BSN: variants seen among roughly 807,000 people sequenced by gnomAD.
The protein encoded by BSN is bassoon presynaptic cytomatrix protein.
In BSN, 57 loss-of-function variants were observed where a neutral mutation model predicts 264.8. The ratio of observed to expected loss-of-function variants is 0.22; its 90% CI spans 0.17 to 0.27. The LOEUF (loss-of-function observed/expected upper bound fraction) is 0.27, where lower values mean the gene tolerates loss of function less well. Ranked by LOEUF, BSN falls within the 10% of genes least tolerant of loss-of-function variation. The probability of loss-of-function intolerance (pLI) is 1.00; values close to 1 mark genes in which losing one functional copy is unlikely to be tolerated. For synonymous variants in BSN, 2,059 were observed against 2,137.3 expected (o/e 0.96, Z 1.01); for missense variants, 4,615 against 5,232.5 (o/e 0.88, Z 3.64).
Position 49,669,931 on chromosome 3 carries a change from AG to A in BSN, c.*2448del, listed in dbSNP as rs1386771373. The A allele has an allele frequency of 2.0e-5, 3 of 152,642 alleles. No individual in the cohort carries two copies. Among genetic ancestry groups the A allele is most frequent in the Non-Finnish European group, 4.4e-5 (3 of 68,064 alleles). The allele number at this position is 152,642 out of a possible 1,614,324, so 9.5% of individuals were successfully genotyped here. ...CAGGCAGTACCTGCCTGACCCTTCA[AG>A]GCCTGACCTTCGTCCAGAGTGCTCT... On this transcript the variant is annotated 3_prime_UTR_variant, in exon 12 of 12. Transcript: ENST00000296452.
At chr3:49,569,856 G>A (rs1367501463) in intron 1 of BSN, among the ~76,000 whole-genome samples, 2 of 152,220 alleles carry the variant, frequency 1.3e-5, no homozygotes, top group Admixed American at 6.5e-5. Flanking sequence ...GCCAGGTGGA[G>A]GGTGTTGGCC....
rs1438289753 is a variant in BSN at position 49,655,428 on chromosome 3, C to G, written c.5872C>G (p.Gln1958Glu). 4 of 1,569,992 alleles carry G rather than the reference C, an allele frequency of 2.5e-6. No individual in the cohort carries two copies. Among genetic ancestry groups the G allele is most frequent in the Non-Finnish European group, 3.5e-6 (4 of 1,157,626 alleles). ...EPPEPPTYRA[Q>E]GVVGPGPHEE... Reference sequence around the variant, plus strand: ...TCCTGAGCCCCCAACCTACCGGGCACAGGGGGTGGTGGGGCCTGGGCCCCA... The same window carrying G: ...TCCTGAGCCCCCAACCTACCGGGCAGAGGGGGTGGTGGGGCCTGGGCCCCA... Residue 1958 changes from glutamine to glutamate, a missense_variant, in exon 5 of 12, where the codon CAG becomes GAG. Coordinates refer to ENST00000296452, the MANE Select transcript of BSN (RefSeq NM_003458.4).
At chr3:49,619,712 A>G (rs2052289293) in intron 1 of BSN, among the ~76,000 whole-genome samples, 1 of 152,200 alleles carries the variant, frequency 6.6e-6, no homozygotes, top group Admixed American at 6.5e-5. Context: ...GGTGTAGCCA[A>G]CTGCTATAGG....
At position 49,625,003 on chromosome 3, in the gene BSN, C is replaced by G; in HGVS notation, c.253C>G (p.Pro85Ala). ...STSRRLDPKE[P>A]LGNQRAASPT... ...TTCCCGGAGACTGGACCCCAAGGAA[C>G]CCCTGGGTAACCAGAGAGCAGCTTC... The change falls in exon 2 of 12, where the codon CCC (proline) becomes GCC (alanine). Residue 85 changes from proline (P) to alanine (A), a missense_variant. Physicochemically the swap from Pro to Ala is conservative, Grantham distance 27 (BLOSUM62 -1). Around this residue, in one of 3 missense-constraint regions of BSN, gnomAD observed 1,197 missense variants for 1,348.0 expected, o/e 0.89. Transcript: ENST00000296452. The surrounding 1 kb of genome is among the most constrained non-coding windows in gnomAD (Gnocchi z 4.4). The G allele has an allele frequency of 2.6e-6, 4 of 1,547,086 alleles. No individual in the cohort carries two copies. Among genetic ancestry groups the G allele is most frequent in the Middle Eastern group, 1.7e-4 (1 of 5,734 alleles).
intron 2 of BSN, among the ~76,000 whole-genome samples, chr3:49,634,204 C>G (rs1341734623): frequency 6.8e-6 from 1 of 146,982 alleles, no homozygotes; most frequent in Non-Finnish European, 1.5e-5. Context: ...AAGACTCTGC[C>G]TTTAAAAAAA....
chr3:49,672,867 C>T (rs1429134271), downstream of BSN, among the ~76,000 whole-genome samples: 8 of 149,304 alleles, frequency 5.4e-5, no homozygotes, highest in East Asian at 1.2e-3. Context: ...GCAAGCTCCG[C>T]CTCCCGGGTT....
intron 11 of BSN, among the ~76,000 whole-genome samples, chr3:49,665,749 C>G (rs746048380): frequency 6.6e-6 from 1 of 152,226 alleles, no homozygotes. Flanking sequence ...GGAATGAAGT[C>G]AAAACACTCC....
At position 49,639,546 on chromosome 3, in the gene BSN, G is replaced by T. The variant is rs528345312; in HGVS notation, c.634-2722G>T. Among the ~76,000 whole-genome samples, 5 of 152,332 alleles carry T rather than the reference G, an allele frequency of 3.3e-5. No homozygotes were observed. The South Asian group carries it at 1.0e-3, about 32-fold the overall frequency. ...TGGGTGGGTTAATTGTTCCCAGCTA[G>T]TGGGATGGCTTCTCACCTCACTGCC... is the stretch of plus-strand genomic sequence containing the variant. On this transcript the variant is annotated intron_variant, in intron 2 of 11. Coordinates refer to ENST00000296452, the MANE Select transcript of BSN (RefSeq NM_003458.4).
rs2052646996 is a variant in BSN, at chr3:49,660,741, G to A, written c.8896G>A (p.Asp2966Asn). The change falls in exon 6 of 12, where the codon GAT (aspartate) becomes AAT (asparagine). Residue 2966 changes from aspartate (D) to asparagine (N), a missense_variant. Asp to Asn is a conservative substitution (Grantham distance 23). This residue lies in a region of BSN where 3,415 missense variants were observed against 3,866.4 expected (regional missense o/e 0.88). Transcript: ENST00000296452. This position sits in a 1 kb window ranked among gnomAD's most constrained non-coding sequence, Gnocchi z 7.1. ...ACTGCGCAAGAAGCAGGCAGAGCTG[G>A]ATGAGGAGGAGAAGGAGATTGACGC... ...TKLRKKQAEL[D>N]EEEKEIDAKL... 7 of 1,613,104 alleles carry A rather than the reference G, an allele frequency of 4.3e-6. No individual in the cohort carries two copies. The highest frequency in any genetic ancestry group is 5.9e-6 in the Non-Finnish European group (7 of 1,179,946).
intron 2 of BSN, among the ~76,000 whole-genome samples, chr3:49,628,192 G>A (rs2052357156): frequency 6.6e-6 from 1 of 152,200 alleles, no homozygotes; most frequent in Non-Finnish European, 1.5e-5. Flanking sequence ...TTGTTCATGT[G>A]TGTCACTAAT....
chr3:49,589,028 C>A (rs1429000706), intron 1 of BSN, among the ~76,000 whole-genome samples: 1 of 151,596 alleles, frequency 6.6e-6, no homozygotes, highest in Non-Finnish European at 1.5e-5. Flanking sequence ...CATTCTCCTG[C>A]CTCAGCCTCC....
chr3:49,654,557 C>A lies in BSN; in HGVS notation c.5001C>A (p.Asp1667Glu), dbSNP rs1168951764. 1.9e-6 allele frequency: 3 copies of A among 1,610,444 alleles called. No individual in the cohort carries two copies. In the Admixed American group the frequency reaches 5.0e-5, roughly 27 times the overall value. ...GPRTPGTAVV[D>E]LRTAVKPTPI... is the part of the protein sequence containing the mutation. The stretch of plus-strand genomic sequence containing the variant: ...GGACCCCTGGCACTGCAGTGGTAGA[C>A]CTCCGTACAGCTGTCAAGCCCACTC... Residue 1667 changes from aspartate to glutamate, a missense_variant, in exon 5 of 12, where the codon GAC becomes GAA. Physicochemically the swap from Asp to Glu is conservative, Grantham distance 45. Around this residue, in one of 3 missense-constraint regions of BSN, gnomAD observed 3,415 missense variants for 3,866.4 expected, o/e 0.88. Coordinates refer to ENST00000296452, the MANE Select transcript of BSN (RefSeq NM_003458.4). This position sits in a 1 kb window ranked among gnomAD's most constrained non-coding sequence, Gnocchi z 4.1.
chr3:49,557,138 C>T (rs1451488801), intron 1 of BSN, among the ~76,000 whole-genome samples: 1 of 152,112 alleles, frequency 6.6e-6, no homozygotes, highest in African/African-American at 2.4e-5. Context: ...CCTCTTAGCC[C>T]GTCGGGATGA....
intron 1 of BSN, among the ~76,000 whole-genome samples, chr3:49,611,639 G>A (rs767465708): frequency 1.2e-4 from 18 of 152,208 alleles, no homozygotes; most frequent in Non-Finnish European, 2.2e-4. Flanking sequence ...TCAGAAAGCC[G>A]AGCCTAGTAG....
At chr3:49,563,449 TG>T (rs1366334092) in intron 1 of BSN, among the ~76,000 whole-genome samples, 1 of 152,030 alleles carries the variant, frequency 6.6e-6, no homozygotes, top group Non-Finnish European at 1.5e-5. Flanking sequence ...CCAGGGGAGC[TG>T]GGGTTGGCAA....
In BSN at chr3:49,655,556, G is replaced by T. The variant is rs1188114135; in HGVS notation, c.6000G>T (p.Arg2000Ser). The T allele has an allele frequency of 6.2e-7, 1 of 1,613,340 alleles. No individual in the cohort carries two copies. The highest frequency in any genetic ancestry group is 1.7e-5 in the Admixed American group (1 of 60,026). Residue 2000 changes from arginine (R) to serine (S), a missense_variant, in exon 5 of 12, where the codon AGG becomes AGT. Physicochemically the swap from Arg to Ser is moderately radical, Grantham distance 110 (BLOSUM62 -1). Around this residue, in one of 3 missense-constraint regions of BSN, gnomAD observed 3,415 missense variants for 3,866.4 expected, o/e 0.88. Transcript: ENST00000296452. The stretch of plus-strand genomic sequence containing the variant: ...CTGGCCTCAACTACCATGCCCAGAG[G>T]ATCGGGCAGCTCTTCCAGGGTCCTG... ...AEAGLNYHAQ[R>S]IGQLFQGPGR...
At position 49,651,983 on chromosome 3, in the gene BSN, A is replaced by G. The variant is rs764569142; in HGVS notation, c.2427A>G (p.Gln809=). Residue 809 remains glutamine, a synonymous_variant, in exon 5 of 12, where the codon CAA becomes CAG. Coordinates refer to ENST00000296452, the MANE Select transcript of BSN (RefSeq NM_003458.4). The surrounding 1 kb of genome is among the most constrained non-coding windows in gnomAD (Gnocchi z 5.4). ...TAESSDDFGS[Q]LRHDYVEDSS... is the part of the protein sequence containing the mutation. ...AGTCCTCAGACGACTTTGGCAGCCA[A>G]TTGAGGCACGACTATGTGGAGGACA... 37 of 1,613,470 alleles carry G rather than the reference A, an allele frequency of 2.3e-5. No homozygotes were observed. The highest frequency in any genetic ancestry group is 2.0e-4 in the East Asian group (9 of 44,888).
chr3:49,646,135 T>C (rs915426171), intron 3 of BSN, among the ~76,000 whole-genome samples: 1 of 152,160 alleles, frequency 6.6e-6, no homozygotes, highest in Non-Finnish European at 1.5e-5. Context: ...GAGCACACAA[T>C]AGAGGAGAGA....
In BSN at chr3:49,662,327, A is replaced by T. The variant is rs1173534056; in HGVS notation, c.10482A>T (p.Arg3494=). The T allele has an allele frequency of 6.2e-7, 1 of 1,612,852 alleles. No individual in the cohort carries two copies. The highest frequency in any genetic ancestry group is 1.3e-5 in the African/African-American group (1 of 74,690). The change falls in exon 6 of 12, where the codon CGA becomes CGT. Residue 3494 remains arginine, a synonymous_variant. Coordinates refer to ENST00000296452, the MANE Select transcript of BSN (RefSeq NM_003458.4). ...TAAGTATGGCCCACAGCCGGGTACG[A>T]CCCCCCATGCGGAGCCAGGCCTCTG... ...SSLSMAHSRV[R]PPMRSQASEE...
Sources: gnomAD v4.1 joint callset for allele counts (sites outside exome capture counted in the v4.1 genomes callset) on GRCh38, gnomAD v4.1.1 for gene constraint, gnomAD v4.1.1 regional missense constraint, Gnocchi (gnomAD v3.1) non-coding constraint, MANE v1.5 for transcripts, NCBI Gene and HGNC (gene_info 2026-07-23, HGNC 2026-07-21) for gene names.